INTU: variants seen among roughly 807,000 people sequenced by gnomAD.
INTU encodes the protein inturned planar cell polarity protein.
Under a neutral mutation model 100.5 loss-of-function variants are expected in INTU, and 68 were observed. The observed-to-expected ratio is 0.68, with a 90% CI of 0.56 to 0.83. The LOEUF (loss-of-function observed/expected upper bound fraction) is 0.83. Among genes scored for constraint, INTU ranks in the 40% least tolerant of loss-of-function variants. The probability of loss-of-function intolerance (pLI) is 0.00; values close to 1 mark genes in which losing one functional copy is unlikely to be tolerated. For synonymous variants in INTU, 357 were observed against 395.7 expected (o/e 0.90, Z 1.16); for missense variants, 1,071 against 1,114.7 (o/e 0.96, Z 0.56).
intron 6 of INTU, among the ~76,000 whole-genome samples, chr4:127,681,824 A>C (rs1188345723): frequency 6.6e-6 from 1 of 152,036 alleles, no homozygotes; most frequent in Non-Finnish European, 1.5e-5. Context: ...GCAACCTACA[A>C]AATGGGAGAA....
intron 6 of INTU, among the ~76,000 whole-genome samples, chr4:127,676,872 T>A (rs977268851): frequency 2.6e-5 from 4 of 152,106 alleles, no homozygotes; most frequent in Non-Finnish European, 4.4e-5. Flanking sequence ...AGACAGCACC[T>A]GGAAAATCGG....
At chr4:127,700,759 T>A (rs1356554036) in intron 9 of INTU, among the ~76,000 whole-genome samples, 1 of 148,530 alleles carries the variant, frequency 6.7e-6, no homozygotes, top group Non-Finnish European at 1.5e-5. Context: ...AGCTCATGAG[T>A]GCATAATGAT....
chr4:127,655,609 A>G (rs1728159763), intron 2 of INTU, among the ~76,000 whole-genome samples: 2 of 151,272 alleles, frequency 1.3e-5, no homozygotes, highest in South Asian at 4.2e-4. Flanking sequence ...TGCTGGGAGA[A>G]CCACTGCTCT....
At chr4:127,709,697 C>G (rs754807020) in intron 13 of INTU, among the ~76,000 whole-genome samples, 25 of 130,040 alleles carry the variant, frequency 1.9e-4, no homozygotes, top group Non-Finnish European at 2.9e-4. Flanking sequence ...CAACTAGACA[C>G]GTACTAATAG....
At chr4:127,698,354 C>T (rs1318086715) in intron 8 of INTU, among the ~76,000 whole-genome samples, 6 of 150,492 alleles carry the variant, frequency 4.0e-5, no homozygotes, top group Non-Finnish European at 5.9e-5. Context: ...CCCAGCTACT[C>T]GGGAGGCAGA....
intron 1 of INTU, among the ~76,000 whole-genome samples, chr4:127,640,270 G>A (rs896094907): frequency 2.0e-5 from 3 of 151,794 alleles, no homozygotes; most frequent in African/African-American, 7.3e-5. Context: ...TCTTAGAAAG[G>A]TTAAAATCAT....
chr4:127,714,517 C>G (rs977158908), intron 15 of INTU, among the ~76,000 whole-genome samples: 3 of 152,090 alleles, frequency 2.0e-5, no homozygotes, highest in Admixed American at 6.6e-5. Flanking sequence ...CCACTGTGCA[C>G]CAGCTGCACG....
intron 5 of INTU, among the ~76,000 whole-genome samples, chr4:127,673,508 A>G (rs1321640759): frequency 6.6e-6 from 1 of 151,894 alleles, no homozygotes; most frequent in Non-Finnish European, 1.5e-5. Flanking sequence ...TTTGGAAAAA[A>G]AAATTATATT....
chr4:127,682,804 A>G (rs935546406), intron 6 of INTU, among the ~76,000 whole-genome samples: 2 of 152,166 alleles, frequency 1.3e-5, no homozygotes, highest in Non-Finnish European at 2.9e-5. Context: ...ATGGGTTTAC[A>G]AGGATTGGAG....
chr4:127,691,914 G>A (rs953866216), intron 8 of INTU, among the ~76,000 whole-genome samples: 5 of 141,448 alleles, frequency 3.5e-5, no homozygotes, highest in African/African-American at 1.1e-4. Flanking sequence ...TGCTGCAAAT[G>A]CCATTATTTT....
Position 127,633,034 on chromosome 4 carries a change from G to T in INTU, c.-1G>T. On this transcript the variant is annotated 5_prime_UTR_variant, in exon 1 of 16. Transcript: ENST00000335251. The stretch of plus-strand genomic sequence containing the variant: ...CACTCGTAGCTATTGCATTCCTGAC[G>T]ATGGCCTCTGTGGCTTCGTGCGATT... 1 of 1,611,684 alleles carries T rather than the reference G, an allele frequency of 6.2e-7. No individual in the cohort carries two copies. Among genetic ancestry groups the T allele is most frequent in the Non-Finnish European group, 8.5e-7 (1 of 1,178,246 alleles).
chr4:127,669,053 T>C lies in INTU; in HGVS notation c.990T>C (p.His330=), dbSNP rs755820204. 1.4e-6 allele frequency: 2 copies of C among 1,481,058 alleles called. No homozygotes were observed. Among genetic ancestry groups the C allele is most frequent in the East Asian group, 4.8e-5 (2 of 41,390 alleles). The allele number at this position is 1,481,058 out of a possible 1,614,324, so 91.7% of individuals were successfully genotyped here. A position where few individuals can be genotyped will look rare whatever the true frequency, so the allele number is the denominator to read the frequency against. ...TTTAACAGCAGGAAATTCTTTATCA[T>C]TATCCAATGTCTGAAGCATCTCAGA... ...TSKEEQEILY[H]YPMSEASQKL... is the part of the protein sequence containing the mutation. Residue 330 remains histidine, a synonymous_variant, in exon 5 of 16, where the codon CAT becomes CAC. Coordinates refer to ENST00000335251, the MANE Select transcript of INTU (RefSeq NM_015693.4).
chr4:127,677,842 G>T (rs1729303070), intron 6 of INTU, among the ~76,000 whole-genome samples: 1 of 152,132 alleles, frequency 6.6e-6, no homozygotes, highest in South Asian at 2.1e-4. Context: ...CAAAGAAGTT[G>T]AAAACTTTGA....
rs1318859381 is a variant in INTU at position 127,717,214 on chromosome 4, C to T, written c.*778C>T. The T allele has an allele frequency of 1.3e-5, 2 of 152,154 alleles. No homozygotes were observed. Among genetic ancestry groups the T allele is most frequent in the South Asian group, 2.1e-4 (1 of 4,826 alleles). 9.4% of individuals were successfully genotyped at this position (152,154 alleles called of 1,614,324 possible). On this transcript the variant is annotated 3_prime_UTR_variant, in exon 16 of 16. Transcript: ENST00000335251. ...TCCATGTGTTCTCATGGTCAGCTCC[C>T]ACTTATAAGTGAGAACCTACAGTGT...
intron 8 of INTU, among the ~76,000 whole-genome samples, chr4:127,688,242 A>G (rs553184756): frequency 6.6e-6 from 1 of 152,230 alleles, no homozygotes; most frequent in African/African-American, 2.4e-5. Flanking sequence ...GTTGACTAAC[A>G]GTATTCTCAG....
chr4:127,666,232 G>C (rs1029010936), intron 4 of INTU, among the ~76,000 whole-genome samples: 26 of 151,846 alleles, frequency 1.7e-4, no homozygotes, highest in African/African-American at 6.3e-4. Flanking sequence ...GCTCATCTTT[G>C]TGACTCTATA....
chr4:127,694,344 A>G (rs1730288649), intron 8 of INTU, among the ~76,000 whole-genome samples: 1 of 151,958 alleles, frequency 6.6e-6, no homozygotes, highest in Non-Finnish European at 1.5e-5. Context: ...TAGGTTTTCT[A>G]GTTTATGCAC....
intron 8 of INTU, chr4:127,699,399 C>T (rs1456912033): frequency 2.6e-5 from 4 of 152,050 alleles, no homozygotes; most frequent in Non-Finnish European, 2.9e-5. Context: ...TTTCTAATAA[C>T]TCTGTGGGGT....
At chr4:127,645,069 G>A (rs1329086014) in intron 2 of INTU, among the ~76,000 whole-genome samples, 1 of 152,186 alleles carries the variant, frequency 6.6e-6, no homozygotes, top group African/African-American at 2.4e-5. Context: ...GGGTTTACAA[G>A]GAGGATCATA....
Sources: allele counts gnomAD v4.1 joint callset (sites outside exome capture counted in the v4.1 genomes callset), GRCh38; gene constraint gnomAD v4.1.1; transcripts MANE v1.5; gene names NCBI Gene and HGNC (gene_info 2026-07-23, HGNC 2026-07-21).